Variants in PDE10A observed in about 807,000 individuals in gnomAD.
PDE10A encodes phosphodiesterase 10A.
A neutral mutation model predicts 97.7 loss-of-function variants in PDE10A; 39 were observed. The observed-to-expected ratio is 0.40, with a 90% CI of 0.31 to 0.52. The LOEUF (loss-of-function observed/expected upper bound fraction) is 0.52, where lower values mean the gene tolerates loss of function less well. Ranked by LOEUF, PDE10A falls within the 20% of genes least tolerant of loss-of-function variation. PDE10A has a pLI of 0.56. For missense variants in PDE10A, 731 were observed against 1,047.8 expected (o/e 0.70, Z 4.17); for synonymous variants, 371 against 376.8 (o/e 0.98, Z 0.18).
At chr6:165,810,577 A>G (rs565060723) in intron 1 of PDE10A, among the ~76,000 whole-genome samples, 2 of 152,160 alleles carry the variant, frequency 1.3e-5, no homozygotes, top group Non-Finnish European at 2.9e-5. Context: ...TGCTCTCTGC[A>G]GGATTCTGCT....
chr6:165,768,742 A>C (rs1323139428), intron 1 of PDE10A, among the ~76,000 whole-genome samples: 1 of 152,180 alleles, frequency 6.6e-6, no homozygotes, highest in African/African-American at 2.4e-5. Context: ...AATGTCATTT[A>C]AGGGCATTTA....
chr6:165,929,594 G>T (rs537874463), intron 1 of PDE10A, among the ~76,000 whole-genome samples: 28 of 152,208 alleles, frequency 1.8e-4, no homozygotes, highest in Non-Finnish European at 3.8e-4. Context: ...CCCCATGTGT[G>T]CAGGGCCTTC....
chr6:165,539,920 T>C (rs1783327430), intron 2 of PDE10A, among the ~76,000 whole-genome samples: 1 of 135,974 alleles, frequency 7.4e-6, no homozygotes, highest in Non-Finnish European at 1.5e-5. Flanking sequence ...AGCAACACTT[T>C]GCTCAAAAAT....
chr6:165,492,455 T>C (rs1258676837), intron 2 of PDE10A, among the ~76,000 whole-genome samples: 1 of 152,064 alleles, frequency 6.6e-6, no homozygotes, highest in Non-Finnish European at 1.5e-5. Flanking sequence ...GATGCAAAAG[T>C]CCTAGCTAAC....
At position 165,396,404 on chromosome 6, in the gene PDE10A, A is replaced by G; in HGVS notation, c.2132T>C (p.Leu711Pro). 1.2e-6 allele frequency: 2 copies of G among 1,613,344 alleles called. No homozygotes were observed. The highest frequency in any genetic ancestry group is 1.7e-6 in the Non-Finnish European group (2 of 1,179,486). ...TGAAGTACAAATGCTATGGTAGGAC[A>G]GCTTTTCCATCGTTACCCGGTAAAT... ...ECIYRVTMEK[L>P]SYHSICTSEE... Residue 711 changes from leucine to proline, a missense_variant, in exon 14 of 22, where the codon CTG becomes CCG. Around this residue, in one of 8 missense-constraint regions of PDE10A, gnomAD observed 131 missense variants for 187.4 expected, o/e 0.70. Transcript: ENST00000539869.
chr6:165,608,756 T>C (rs151261814), intron 1 of PDE10A, among the ~76,000 whole-genome samples: 2,032 of 152,258 alleles, frequency 0.013, 48 homozygotes, highest in African/African-American at 0.046. Context: ...TATTTCTCCA[T>C]ATCCTCTCCA....
At position 165,683,695 on chromosome 6, in the gene PDE10A, C is replaced by T. The variant is rs181553160; in HGVS notation, c.-614-140127G>A. ...ATACAAGCCACAGTCTCCTGGAGGC[C>T]CCTGAGCTGCCAGGCTGAGCCTCAC... is the stretch of plus-strand genomic sequence containing the variant. On this transcript the variant is annotated intron_variant, in intron 1 of 19. Transcript: ENST00000366882. 4.3e-3 allele frequency among the ~76,000 whole-genome samples: 660 copies of T among 152,304 alleles called. 4 individuals carry two copies. Among genetic ancestry groups the T allele is most frequent in the Non-Finnish European group, 6.8e-3 (464 of 68,032 alleles).
At chr6:165,805,888 C>T (rs558303526) in intron 1 of PDE10A, among the ~76,000 whole-genome samples, 1 of 152,066 alleles carries the variant, frequency 6.6e-6, no homozygotes, top group Non-Finnish European at 1.5e-5. Flanking sequence ...AGAGTGCACA[C>T]GACGCCATCT....
intron 1 of PDE10A, among the ~76,000 whole-genome samples, chr6:165,950,927 CAT>C (rs1491014338): frequency 5.9e-5 from 9 of 152,192 alleles, no homozygotes; most frequent in African/African-American, 2.2e-4. Context: ...TAATAAAGAA[CAT>C]GTGTCCTCTT....
intron 1 of PDE10A, among the ~76,000 whole-genome samples, chr6:165,563,793 G>A (rs1784640789): frequency 6.6e-6 from 1 of 151,746 alleles, no homozygotes; most frequent in Admixed American, 6.6e-5. Context: ...TGGGAGGCTG[G>A]GACACAAGAA....
At chr6:165,851,688 C>A (rs1489434977) in intron 1 of PDE10A, among the ~76,000 whole-genome samples, 3 of 152,024 alleles carry the variant, frequency 2.0e-5, no homozygotes, top group Non-Finnish European at 2.9e-5. Context: ...TAATAACAGG[C>A]AGAAATGGGA....
At chr6:165,868,392 A>G (rs1461568069) in intron 1 of PDE10A, among the ~76,000 whole-genome samples, 2 of 152,040 alleles carry the variant, frequency 1.3e-5, no homozygotes, top group Non-Finnish European at 2.9e-5. Flanking sequence ...ACTATTTGAT[A>G]TCTAATTCGA....
chr6:165,447,050 AACT>A (rs1790900504), intron 5 of PDE10A, among the ~76,000 whole-genome samples: 1 of 152,186 alleles, frequency 6.6e-6, no homozygotes, highest in African/African-American at 2.4e-5. Context: ...TCCTAAGAGG[AACT>A]ACTTCATTGA....
chr6:165,736,642 G>A (rs953686484), intron 1 of PDE10A, among the ~76,000 whole-genome samples: 6 of 152,102 alleles, frequency 3.9e-5, no homozygotes, highest in African/African-American at 1.4e-4. Context: ...TAATTTATGG[G>A]ACTCAGCAAG....
Position 165,332,714 on chromosome 6 carries a change from C to A in PDE10A, c.*311G>T. The A allele has an allele frequency of 6.5e-6, 2 of 307,544 alleles. No homozygotes were observed. Among genetic ancestry groups the A allele is most frequent in the South Asian group, 6.8e-5 (1 of 14,636 alleles). The allele number at this position is 307,544 out of a possible 1,614,324, so 19.1% of individuals were successfully genotyped here. ...GTACCCCTTCTGGATAATTTTTGTC[C>A]ATTTCCTTTAAGGCCTCAGCAATAT... On this transcript the variant is annotated 3_prime_UTR_variant, in exon 22 of 22. Transcript: ENST00000539869.
At chr6:165,434,036 A>AG (rs1424477853) in intron 6 of PDE10A, among the ~76,000 whole-genome samples, 7,265 of 143,426 alleles carry the variant, frequency 0.051, 123 homozygotes, top group Middle Eastern at 0.075. Context: ...AAAAAAAAAA[A>AG]AAGAAGTAGT....
rs564119176 is a variant in PDE10A at position 165,822,352 on chromosome 6, CCAA to C, written c.-615+165174_-615+165176del. On this transcript the variant is annotated intron_variant, in intron 1 of 19. Transcript: ENST00000366882. ...ACACACCTGGGCTGGATGGCACAGC[CCAA>C]CACACACCTGGATGGCACAGTCCAC... Among the ~76,000 whole-genome samples the C allele has an allele frequency of 9.2e-5, 6 of 65,058 alleles. No individual in the cohort carries two copies. The South Asian group carries it at 5.6e-3, about 60-fold the overall frequency. 42.7% of individuals were successfully genotyped at this position (65,058 alleles called of 152,430 possible). A position where few individuals can be genotyped will look rare whatever the true frequency, so the allele number is the denominator to read the frequency against.
chr6:165,911,872 C>A (rs181094778), intron 1 of PDE10A, among the ~76,000 whole-genome samples: 1 of 152,130 alleles, frequency 6.6e-6, no homozygotes, highest in Admixed American at 6.5e-5. Flanking sequence ...CCGGAGGAAG[C>A]TTTTGAGGGC....
At chr6:165,796,850 A>C (rs1220897913) in intron 1 of PDE10A, among the ~76,000 whole-genome samples, 1 of 152,162 alleles carries the variant, frequency 6.6e-6, no homozygotes, top group Non-Finnish European at 1.5e-5. Context: ...AGACATTGAC[A>C]ATGGGAAGAC....
Sources: allele counts gnomAD v4.1 joint callset (sites outside exome capture counted in the v4.1 genomes callset), GRCh38; gene constraint gnomAD v4.1.1; regional missense constraint gnomAD v4.1.1; transcripts MANE v1.5; gene names NCBI Gene and HGNC (gene_info 2026-07-23, HGNC 2026-07-21).